Variants in LIPA observed in about 807,000 individuals in gnomAD.
LIPA encodes the protein lysosomal acid lipase/cholesteryl ester hydrolase.
Under a neutral mutation model 40.6 loss-of-function variants are expected in LIPA, and 26 were observed. The ratio of observed to expected loss-of-function variants is 0.64; its 90% CI spans 0.47 to 0.89. The LOEUF (loss-of-function observed/expected upper bound fraction) is 0.89. Among genes scored for constraint, LIPA ranks in the 40% least tolerant of loss-of-function variants. The probability of loss-of-function intolerance (pLI) is 0.00; values close to 1 mark genes in which losing one functional copy is unlikely to be tolerated. For synonymous variants in LIPA, 188 were observed against 168.4 expected (o/e 1.12, Z -0.90); for missense variants, 455 against 479.6 (o/e 0.95, Z 0.48).
intron 1 of LIPA, among the ~76,000 whole-genome samples, chr10:89,304,752 G>A (rs1182495530): frequency 6.6e-6 from 1 of 151,886 alleles, no homozygotes; most frequent in Non-Finnish European, 1.5e-5. Flanking sequence ...GGGTTTTTTA[G>A]GGGTTTTTTT....
intron 1 of LIPA, among the ~76,000 whole-genome samples, chr10:89,318,014 G>A (rs1054242225): frequency 6.6e-6 from 1 of 152,094 alleles, no homozygotes; most frequent in Admixed American, 6.5e-5. Flanking sequence ...GACAAGCAAA[G>A]GCTGAGAGAT....
At chr10:89,232,522 C>T (rs757117626) in intron 3 of LIPA, among the ~76,000 whole-genome samples, 43 of 152,246 alleles carry the variant, frequency 2.8e-4, no homozygotes, top group African/African-American at 8.7e-4. Flanking sequence ...GTAGTTAACA[C>T]GGAAAACATG....
chr10:89,338,892 G>A (rs1843794440), intron 1 of LIPA: 3 of 1,614,212 alleles, frequency 1.9e-6, no homozygotes, highest in Non-Finnish European at 2.5e-6. Flanking sequence ...AAGCTGAAGA[G>A]TTAATCCAGC....
At chr10:89,387,670 A>G in intron 2 of LIPA, among the ~76,000 whole-genome samples, 1 of 152,250 alleles carries the variant, frequency 6.6e-6, no homozygotes, top group East Asian at 1.9e-4. Context: ...TTATAAAACC[A>G]AATTTATATT....
intron 1 of LIPA, among the ~76,000 whole-genome samples, chr10:89,317,251 G>T (rs112769031): frequency 6.6e-6 from 1 of 152,112 alleles, no homozygotes; most frequent in South Asian, 2.1e-4. Flanking sequence ...GCAGACAATC[G>T]GTAATAACAA....
chr10:89,308,568 G>C (rs1843498138), intron 1 of LIPA: 1 of 152,126 alleles, frequency 6.6e-6, no homozygotes, highest in African/African-American at 2.4e-5. Context: ...GGTATGCTTG[G>C]AACGATTGAG....
At chr10:89,313,254 C>T (rs1174440579) in intron 1 of LIPA, among the ~76,000 whole-genome samples, 1 of 152,198 alleles carries the variant, frequency 6.6e-6, no homozygotes, top group East Asian at 1.9e-4. Context: ...TAAACTACAC[C>T]TTGAATAGCA....
intron 2 of LIPA, among the ~76,000 whole-genome samples, chr10:89,379,908 G>A (rs552800032): frequency 7.2e-5 from 11 of 152,074 alleles, no homozygotes; most frequent in East Asian, 5.8e-4. Context: ...GGTGGCGGGC[G>A]CCTGTAGTCC....
At chr10:89,223,053 T>C (rs1171154483) in intron 7 of LIPA, among the ~76,000 whole-genome samples, 1 of 152,142 alleles carries the variant, frequency 6.6e-6, no homozygotes, top group Non-Finnish European at 1.5e-5. Flanking sequence ...TTTTATAAAA[T>C]AAAATGGGTT....
At chr10:89,249,950 C>T (rs1843090861) in intron 1 of LIPA, among the ~76,000 whole-genome samples, 1 of 152,084 alleles carries the variant, frequency 6.6e-6, no homozygotes, top group Non-Finnish European at 1.5e-5. Context: ...GAATATTCCA[C>T]AAGTCTTAAG....
intron 1 of LIPA, among the ~76,000 whole-genome samples, chr10:89,312,361 A>G (rs1843521196): frequency 6.6e-6 from 1 of 152,044 alleles, no homozygotes; most frequent in African/African-American, 2.4e-5. Flanking sequence ...GGAACACTTG[A>G]GCCCAGGAGG....
chr10:89,234,528 C>T (rs77961693), intron 3 of LIPA, among the ~76,000 whole-genome samples: 4,660 of 152,300 alleles, frequency 0.031, 247 homozygotes, highest in African/African-American at 0.1. Flanking sequence ...TTCCAAACCT[C>T]TTGCCCCTTC....
chr10:89,359,798 A>C (rs1047849346), intron 2 of LIPA, among the ~76,000 whole-genome samples: 119 of 142,264 alleles, frequency 8.4e-4, no homozygotes, highest in African/African-American at 2.6e-3. Flanking sequence ...CTCTCTATCT[A>C]TCTCTCTCTC....
chr10:89,412,748 G>A, intron 2 of LIPA: 1 of 438,662 alleles, frequency 2.3e-6, no homozygotes, highest in Non-Finnish European at 4.5e-6. Context: ...CACTGTGAAG[G>A]TCTGCAGCTG....
chr10:89,261,169 A>G (rs1281441382), intron 1 of LIPA, among the ~76,000 whole-genome samples: 1 of 152,344 alleles, frequency 6.6e-6, no homozygotes, highest in East Asian at 1.9e-4. Flanking sequence ...AAATGTGAGT[A>G]ATTGGATGTG....
chr10:89,244,187 T>C (rs1418177995), intron 3 of LIPA, among the ~76,000 whole-genome samples: 1 of 151,852 alleles, frequency 6.6e-6, no homozygotes, highest in Non-Finnish European at 1.5e-5. Flanking sequence ...TCAAAAAAAA[T>C]GGTTGTCGTG....
intron 1 of LIPA, among the ~76,000 whole-genome samples, chr10:89,295,052 A>G (rs1843405035): frequency 6.6e-6 from 1 of 151,318 alleles, no homozygotes; most frequent in Non-Finnish European, 1.5e-5. Flanking sequence ...AAAGGAAAGG[A>G]AAGGAAAGGA....
chr10:89,389,085 G>C (rs77466870), intron 2 of LIPA, among the ~76,000 whole-genome samples: 6,251 of 152,222 alleles, frequency 0.041, 422 homozygotes, highest in African/African-American at 0.14. Flanking sequence ...CAGAAAATAG[G>C]CTATAGCTAA....
intron 1 of LIPA, among the ~76,000 whole-genome samples, chr10:89,249,776 A>G (rs1190692403): frequency 6.6e-6 from 1 of 152,202 alleles, no homozygotes; most frequent in Admixed American, 6.5e-5. Flanking sequence ...CACAAATAAT[A>G]TTTTGGAGGT....
Sources: gnomAD v4.1 joint callset for allele counts (sites outside exome capture counted in the v4.1 genomes callset) on GRCh38, gnomAD v4.1.1 for gene constraint, MANE v1.5 for transcripts, NCBI Gene and HGNC (gene_info 2026-07-23, HGNC 2026-07-21) for gene names.